Variants in KIAA0319L observed in about 807,000 individuals in gnomAD.
The protein encoded by KIAA0319L is dyslexia-associated protein KIAA0319-like protein.
Under a neutral mutation model 120.1 loss-of-function variants are expected in KIAA0319L, and 55 were observed. That is an observed-to-expected ratio of 0.46 (90% confidence interval 0.37 to 0.57). The LOEUF is 0.57. Ranked by LOEUF, KIAA0319L falls within the 20% of genes least tolerant of loss-of-function variation. The pLI is 0.00. For synonymous variants in KIAA0319L, 398 were observed against 471.9 expected (o/e 0.84, Z 2.03); for missense variants, 1,049 against 1,255.3 (o/e 0.84, Z 2.48).
intron 2 of KIAA0319L, among the ~76,000 whole-genome samples, chr1:35,508,187 G>T (rs2148405779): frequency 1.3e-5 from 2 of 152,300 alleles, no homozygotes; most frequent in South Asian, 4.1e-4. Context: ...CAAAGGGTTG[G>T]CTCACAGGAC....
At chr1:35,456,911 G>T (rs1240504066) in intron 9 of KIAA0319L, among the ~76,000 whole-genome samples, 2 of 117,392 alleles carry the variant, frequency 1.7e-5, no homozygotes, top group African/African-American at 7.0e-5. Flanking sequence ...AAAGAAGGAA[G>T]GAATGAAGGA....
At chr1:35,440,873 T>C (rs1641157561) in intron 20 of KIAA0319L, 174 bp downstream of exon 20, 2 of 646,986 alleles carry the variant, frequency 3.1e-6, no homozygotes, top group East Asian at 5.1e-5. Context: ...TGGAGGCATT[T>C]TGTCCAGTGC....
At chr1:35,520,263 C>T (rs1160934696) in intron 2 of KIAA0319L, among the ~76,000 whole-genome samples, 2 of 152,074 alleles carry the variant, frequency 1.3e-5, no homozygotes, top group Non-Finnish European at 2.9e-5. Context: ...CCACGCCTGG[C>T]TAATTTTTGT....
At chr1:35,466,559 G>A (rs759173147) in intron 7 of KIAA0319L, 49 bp downstream of exon 7, 11 of 1,221,374 alleles carry the variant, frequency 9.0e-6, no homozygotes, top group Non-Finnish European at 1.2e-5. Flanking sequence ...ATCTCCTCAG[G>A]AGTCCTGCAG....
intron 10 of KIAA0319L, among the ~76,000 whole-genome samples, chr1:35,454,885 G>A (rs1477369411): frequency 6.6e-6 from 1 of 152,180 alleles, no homozygotes; most frequent in African/African-American, 2.4e-5. Flanking sequence ...GCTACACAGT[G>A]CTCCTAACAA....
At chr1:35,488,657 T>C (rs1308216374) in intron 3 of KIAA0319L, among the ~76,000 whole-genome samples, 1 of 152,160 alleles carries the variant, frequency 6.6e-6, no homozygotes, top group Non-Finnish European at 1.5e-5. Flanking sequence ...GGCTGTAAGC[T>C]GATAAAAGGA....
chr1:35,549,785 T>C (rs1647130600), intron 2 of KIAA0319L, among the ~76,000 whole-genome samples: 2 of 152,272 alleles, frequency 1.3e-5, no homozygotes, highest in African/African-American at 2.4e-5. Flanking sequence ...TGCTCTGATT[T>C]TGTTGTTTTT....
intron 4 of KIAA0319L, 148 bp downstream of exon 4, chr1:35,478,818 T>C (rs2149140023): frequency 1.1e-6 from 1 of 945,384 alleles, no homozygotes; most frequent in Middle Eastern, 3.4e-4. Context: ...GAGCCCCCAG[T>C]CCATGACTGC....
rs1214137943 is a variant in KIAA0319L at position 35,437,267 on chromosome 1, C to A, written c.2963-2186G>T. Reference sequence around the variant, plus strand: ...CTCCGGGCCATCACCGCCCGTTTCTCCCCTCCTGCCTCAGAAGAGGCATCT... The same window carrying A: ...CTCCGGGCCATCACCGCCCGTTTCTACCCTCCTGCCTCAGAAGAGGCATCT... On this transcript the variant is annotated intron_variant, in intron 20 of 20. Coordinates refer to ENST00000325722, the MANE Select transcript of KIAA0319L (RefSeq NM_024874.5). This position sits in a 1 kb window ranked among gnomAD's most constrained non-coding sequence, Gnocchi z 4.1. 1.3e-5 allele frequency among the ~76,000 whole-genome samples: 2 copies of A among 152,206 alleles called. No homozygotes were observed. The highest frequency in any genetic ancestry group is 2.9e-5 in the Non-Finnish European group (2 of 68,032).
intron 2 of KIAA0319L, among the ~76,000 whole-genome samples, chr1:35,515,836 C>A (rs1188000518): frequency 6.6e-6 from 1 of 151,860 alleles, no homozygotes; most frequent in Non-Finnish European, 1.5e-5. Flanking sequence ...GAGAGGATAT[C>A]CAAATAAACA....
intron 3 of KIAA0319L, among the ~76,000 whole-genome samples, chr1:35,495,501 TC>T (rs1300147770): frequency 6.6e-6 from 1 of 152,150 alleles, no homozygotes; most frequent in Non-Finnish European, 1.5e-5. Context: ...TAATATCTGC[TC>T]TTTGAAAGAC....
intron 3 of KIAA0319L, among the ~76,000 whole-genome samples, chr1:35,497,262 T>C (rs534481453): frequency 1.3e-5 from 2 of 152,010 alleles, no homozygotes; most frequent in African/African-American, 4.8e-5. Context: ...TGAAATGTTA[T>C]CAAACTGGAT....
intron 15 of KIAA0319L, 89 bp downstream of exon 15, chr1:35,449,778 G>T (rs1641913092): frequency 6.9e-7 from 1 of 1,446,774 alleles, no homozygotes. Context: ...ATCTGGCTCT[G>T]TCCATGCTCG....
chr1:35,547,816 T>C (rs1647041035), intron 2 of KIAA0319L, among the ~76,000 whole-genome samples: 1 of 152,092 alleles, frequency 6.6e-6, no homozygotes, highest in Non-Finnish European at 1.5e-5. Context: ...GATAGTGGTA[T>C]ATCTCAATTT....
intron 2 of KIAA0319L, among the ~76,000 whole-genome samples, chr1:35,518,700 CTAAAA>C (rs1278410092): frequency 6.6e-6 from 1 of 152,042 alleles, no homozygotes; most frequent in African/African-American, 2.4e-5. Context: ...GCCCCCGAAC[CTAAAA>C]TAAAAGTTAA....
chr1:35,471,521 C>T (rs76396933), intron 5 of KIAA0319L, among the ~76,000 whole-genome samples: 161 of 152,204 alleles, frequency 1.1e-3, no homozygotes, highest in Admixed American at 2.6e-3. Flanking sequence ...TTAAAACAGG[C>T]CCAGTGAAAT....
chr1:35,463,814 C>G (rs919143261), intron 7 of KIAA0319L, among the ~76,000 whole-genome samples: 3 of 152,098 alleles, frequency 2.0e-5, no homozygotes, highest in African/African-American at 7.2e-5. Flanking sequence ...ATGGGAGGAA[C>G]CTGGTGGGAG....
At chr1:35,521,385 A>T (rs540427692) in intron 2 of KIAA0319L, among the ~76,000 whole-genome samples, 3 of 152,254 alleles carry the variant, frequency 2.0e-5, no homozygotes, top group African/African-American at 7.2e-5. Flanking sequence ...CTGTAATCCC[A>T]GCACTTCGGG....
chr1:35,464,507 G>A (rs1390748399), intron 7 of KIAA0319L, among the ~76,000 whole-genome samples: 2 of 152,230 alleles, frequency 1.3e-5, no homozygotes, highest in East Asian at 3.8e-4. Context: ...TGACTTGGGT[G>A]CTGTTAAAGG....
Sources: allele counts gnomAD v4.1 joint callset (sites outside exome capture counted in the v4.1 genomes callset), GRCh38; gene constraint gnomAD v4.1.1; non-coding constraint Gnocchi (gnomAD v3.1); transcripts MANE v1.5; gene names NCBI Gene and HGNC (gene_info 2026-07-23, HGNC 2026-07-21).